SUPT20H: variants seen among roughly 807,000 people sequenced by gnomAD.
SUPT20H encodes the protein SPT20 homolog, SAGA complex component.
SUPT20H carries 82 observed loss-of-function variants against 122.8 expected under a neutral mutation model. The ratio of observed to expected loss-of-function variants is 0.67; its 90% confidence interval spans 0.56 to 0.80. SUPT20H has a LOEUF of 0.80. Among genes scored for constraint, SUPT20H ranks in the 30% least tolerant of loss-of-function variants. The pLI is 0.00. For missense variants in SUPT20H, 831 were observed against 921.6 expected (o/e 0.90, Z 1.27); for synonymous variants, 291 against 313.0 (o/e 0.93, Z 0.74).
At chr13:37,019,472 T>A in intron 21 of SUPT20H, 75 bp from the exon 22 acceptor site, 3 of 1,010,068 alleles carry the variant, frequency 3.0e-6, no homozygotes, top group Non-Finnish European at 4.3e-6. Flanking sequence ...CTTTAGTATA[T>A]ATAAGTACAA....
chr13:37,048,692 G>T lies in SUPT20H; in HGVS notation c.4-93C>A, dbSNP rs990212924. 7.0e-6 allele frequency: 8 copies of T among 1,135,210 alleles called. No homozygotes were observed. In the African/African-American group the frequency reaches 8.0e-5, roughly 11 times the overall value. The allele number at this position is 1,135,210 out of a possible 1,614,324, so 70.3% of individuals were successfully genotyped here. On this transcript the variant is annotated intron_variant, in intron 2 of 25. Coordinates refer to ENST00000350612, the MANE Select transcript of SUPT20H (RefSeq NM_001014286.3). ...ACATTTCTAATGTTTTCTAAAACAG[G>T]TCTAATATATTTTCCTTTATTTGTC... is the stretch of plus-strand genomic sequence containing the variant.
At chr13:37,027,561 CTTT>C (rs1169776518) in intron 14 of SUPT20H, among the ~76,000 whole-genome samples, 1 of 151,960 alleles carries the variant, frequency 6.6e-6, no homozygotes, top group Non-Finnish European at 1.5e-5. Context: ...TGCTGAGCTT[CTTT>C]TTTGTTTTCA....
At chr13:37,051,415 C>G in intron 2 of SUPT20H, 73 bp downstream of exon 2, 1 of 1,466,160 alleles carries the variant, frequency 6.8e-7, no homozygotes. Flanking sequence ...ATCTACCATA[C>G]AAATATCTTT....
chr13:37,016,821 A>G (rs1348343689), intron 23 of SUPT20H, among the ~76,000 whole-genome samples: 3 of 152,122 alleles, frequency 2.0e-5, no homozygotes, highest in Non-Finnish European at 2.9e-5. Flanking sequence ...TCCCTTTGGC[A>G]GTGTACACAT....
rs1190476750 is a variant in SUPT20H at position 37,022,173 on chromosome 13, A to G, written c.1592-93T>C. 3.7e-6 allele frequency: 6 copies of G among 1,613,288 alleles called. No homozygotes were observed. The highest frequency in any genetic ancestry group is 2.2e-5 in the East Asian group (1 of 44,854). ...CCTTTGCTGCTGAGCAAACTGAGTT[A>G]ACAAAGTGGGCTGAGGGGTGAAGCC... On this transcript the variant is annotated intron_variant, in intron 19 of 25. Transcript: ENST00000350612. This position sits in a 1 kb window ranked among gnomAD's most constrained non-coding sequence, Gnocchi z 4.5.
rs139979821 is a variant in SUPT20H at position 37,037,473 on chromosome 13, G to A, written c.567+2932C>T. On this transcript the variant is annotated intron_variant, in intron 9 of 25. Transcript: ENST00000350612. Reference sequence around the variant, plus strand: ...TAACTCCGAGGTATGACTATAATTTGTAGAGCACGGAATGGTCAGGTTGTA... The same window carrying A: ...TAACTCCGAGGTATGACTATAATTTATAGAGCACGGAATGGTCAGGTTGTA... 5.3e-3 allele frequency among the ~76,000 whole-genome samples: 802 copies of A among 152,338 alleles called. 2 individuals carry two copies. The highest frequency in any genetic ancestry group is 9.4e-3 in the Non-Finnish European group (640 of 68,032).
At chr13:37,021,931 A>T in intron 20 of SUPT20H, 80 bp downstream of exon 20, 1 of 1,457,952 alleles carries the variant, frequency 6.9e-7, no homozygotes, top group South Asian at 1.4e-5. Context: ...GTTTGTTCTT[A>T]ATTTCACACA....
chr13:37,049,285 A>G (rs765078836), intron 2 of SUPT20H, among the ~76,000 whole-genome samples: 2 of 152,348 alleles, frequency 1.3e-5, no homozygotes, highest in South Asian at 2.1e-4. Flanking sequence ...TTGATGAAAT[A>G]TATTACTGTT....
In SUPT20H at chr13:37,045,360, T is replaced by C. The variant is rs2066233115; in HGVS notation, c.179A>G (p.Asn60Ser). The C allele has an allele frequency of 6.2e-7, 1 of 1,613,438 alleles. No individual in the cohort carries two copies. The highest frequency in any genetic ancestry group is 1.3e-5 in the African/African-American group (1 of 75,022). Reference protein sequence around the residue: ...KEPEVKKLRRNVNLLEKLVMQ... With the variant: ...KEPEVKKLRRSVNLLEKLVMQ... The stretch of plus-strand genomic sequence containing the variant: ...AACAAGCTTCTCTAACAAGTTCACA[T>C]TTCTTCTTAATTTCTGCTTTAAAAA... Residue 60 changes from asparagine (N) to serine (S), a missense_variant, in exon 6 of 26, where the codon AAT (asparagine) becomes AGT (serine). Asn to Ser is a conservative substitution (Grantham distance 46). Transcript: ENST00000350612.
intron 23 of SUPT20H, 117 bp from the exon 24 acceptor site, chr13:37,012,414 AAAG>A: frequency 1.6e-6 from 1 of 644,104 alleles, no homozygotes; most frequent in Non-Finnish European, 2.7e-6. Flanking sequence ...AGTCTTGTAA[AAAG>A]AATAACAAGG....
chr13:37,054,711 C>G (rs1410361150), intron 1 of SUPT20H, among the ~76,000 whole-genome samples: 5 of 152,156 alleles, frequency 3.3e-5, no homozygotes, highest in Non-Finnish European at 7.3e-5. Context: ...TGGCACAAGA[C>G]AGGGATGACC....
At chr13:37,025,525 G>A in intron 16 of SUPT20H, 88 bp from the exon 17 acceptor site, 2 of 825,324 alleles carry the variant, frequency 2.4e-6, no homozygotes, top group African/African-American at 1.8e-5. Context: ...GACTATTAAT[G>A]GCAAAAAGAA....
rs1184978577 is a variant in SUPT20H at position 37,055,347 on chromosome 13, C to T, written c.-93-3764G>A. Among the ~76,000 whole-genome samples the T allele has an allele frequency of 4.6e-5, 7 of 151,976 alleles. No individual in the cohort carries two copies. The East Asian group carries it at 5.8e-4, about 13-fold the overall frequency. ...CCAAAAGACAAAGCTGGAGGCATCA[C>T]GCTACCTGACTTCAAACTATACTAC... On this transcript the variant is annotated intron_variant, in intron 1 of 25. Transcript: ENST00000350612.
At chr13:37,053,352 A>T (rs2068164441) in intron 1 of SUPT20H, among the ~76,000 whole-genome samples, 1 of 151,926 alleles carries the variant, frequency 6.6e-6, no homozygotes, top group South Asian at 2.1e-4. Flanking sequence ...CATAAAAAAG[A>T]ATGAATTCAT....
At chr13:37,030,540 G>A (rs887048727) in intron 12 of SUPT20H, among the ~76,000 whole-genome samples, 1 of 152,130 alleles carries the variant, frequency 6.6e-6, no homozygotes, top group Non-Finnish European at 1.5e-5. Flanking sequence ...TTCTGATTGA[G>A]CTAGACTGAG....
intron 13 of SUPT20H, among the ~76,000 whole-genome samples, chr13:37,029,497 C>T (rs897380270): frequency 6.6e-6 from 1 of 151,652 alleles, no homozygotes; most frequent in Admixed American, 6.6e-5. Flanking sequence ...CCACCTCCAG[C>T]CTGGGCGATA....
Position 37,012,454 on chromosome 13 carries a change from A to G in SUPT20H, c.1993-157T>C, listed in dbSNP as rs2059773392. ...AAATACTTCAAAGGTATTTAGAATA[A>G]GCAAGAATAAATTTATGGTATTTGA... On this transcript the variant is annotated intron_variant, in intron 23 of 25. Transcript: ENST00000350612. The G allele has an allele frequency of 7.8e-6, 4 of 510,052 alleles. No homozygotes were observed. In the South Asian group the frequency reaches 1.3e-4, roughly 17 times the overall value. The allele number at this position is 510,052 out of a possible 1,614,324, so 31.6% of individuals were successfully genotyped here.
chr13:37,028,720 G>A (rs1483429087), intron 13 of SUPT20H, among the ~76,000 whole-genome samples: 1 of 151,674 alleles, frequency 6.6e-6, no homozygotes, highest in Non-Finnish European at 1.5e-5. Context: ...TAGAAGTCAG[G>A]GAATTAAGCA....
At chr13:37,056,508 C>T (rs966092046) in intron 1 of SUPT20H, among the ~76,000 whole-genome samples, 1 of 151,996 alleles carries the variant, frequency 6.6e-6, no homozygotes, top group African/African-American at 2.4e-5. Context: ...AGCAAACTAT[C>T]GCAAGGACAA....
Sources: gnomAD v4.1 joint callset for allele counts (sites outside exome capture counted in the v4.1 genomes callset) on GRCh38, gnomAD v4.1.1 for gene constraint, Gnocchi (gnomAD v3.1) non-coding constraint, MANE v1.5 for transcripts, NCBI Gene and HGNC (gene_info 2026-07-23, HGNC 2026-07-21) for gene names.